The following TRMT1L variants were observed in gnomAD, a reference collection of about 807,000 sequenced individuals.
TRMT1L encodes the protein tRNA methyltransferase 1L.
A neutral mutation model predicts 81.6 loss-of-function variants in TRMT1L; 28 were observed. That is an observed-to-expected ratio of 0.34 (90% CI 0.25 to 0.47). The LOEUF is 0.47. TRMT1L is among the 20% of genes least tolerant of loss of function. The probability of loss-of-function intolerance (pLI) is 1.00; values close to 1 mark genes in which losing one functional copy is unlikely to be tolerated. For missense variants in TRMT1L, 739 were observed against 877.1 expected (o/e 0.84, Z 1.99); for synonymous variants, 301 against 303.2 (o/e 0.99, Z 0.07).
intron 3 of TRMT1L, 56 bp downstream of exon 3, chr1:185,150,323 G>T (rs938501742): frequency 5.5e-6 from 7 of 1,261,602 alleles, no homozygotes; most frequent in African/African-American, 1.5e-5. Context: ...GCCAAAACTG[G>T]TAATAAATGT....
intron 10 of TRMT1L, among the ~76,000 whole-genome samples, chr1:185,133,904 A>G (rs1557987024): frequency 6.6e-6 from 1 of 152,224 alleles, no homozygotes; most frequent in Non-Finnish European, 1.5e-5. Flanking sequence ...AGCAATAGAC[A>G]GCAAATAAAA....
intron 11 of TRMT1L, 24 bp downstream of exon 11, chr1:185,128,645 A>G (rs373768702): frequency 1.2e-6 from 2 of 1,602,918 alleles, no homozygotes; most frequent in African/African-American, 2.7e-5. Flanking sequence ...AAATTTTAAT[A>G]TGTTCTTATG....
rs1172560092 is a variant in TRMT1L at position 185,156,707 on chromosome 1, C to A, written c.6G>T (p.Glu2Asp). The A allele has an allele frequency of 6.2e-7, 1 of 1,612,780 alleles. No homozygotes were observed. Among genetic ancestry groups the A allele is most frequent in the Non-Finnish European group, 8.5e-7 (1 of 1,179,856 alleles). M[E>D]NMAEEELLPL... ...GCAGCAGCTCCTCCTCCGCCATATT[C>A]TCCATAGTTACCGCCTCCGTGCCAA... Residue 2 changes from glutamate (E) to aspartate (D), a missense_variant, in exon 1 of 15, where the codon GAG (glutamate) becomes GAT (aspartate). Coordinates refer to ENST00000367506, the MANE Select transcript of TRMT1L (RefSeq NM_030934.5).
At chr1:185,128,782 G>A in intron 10 of TRMT1L, 35 bp from the exon 11 acceptor site, 1 of 1,518,120 alleles carries the variant, frequency 6.6e-7, no homozygotes, top group Non-Finnish European at 9.1e-7. Flanking sequence ...AATCAAAGGA[G>A]AAATGACTAA....
Position 185,123,906 on chromosome 1 carries a change from T to C in TRMT1L, c.1773A>G (p.Val591=). The C allele has an allele frequency of 6.7e-7, 1 of 1,502,574 alleles. No individual in the cohort carries two copies. Among genetic ancestry groups the C allele is most frequent in the Non-Finnish European group, 8.9e-7 (1 of 1,121,266 alleles). The allele number at this position is 1,502,574 out of a possible 1,614,324, so 93.1% of individuals were successfully genotyped here. ...TGGTGTCATCTGTAGTTTTAATAAA[T>C]ACACCATTTTCTTCTAAAAAATAAA... The part of the protein sequence containing the change: ...SNVNKQEENG[V]FIKTTDDTTT... The change falls in exon 13 of 15, where the codon GTA becomes GTG. Residue 591 remains valine, a synonymous_variant. Coordinates refer to ENST00000367506, the MANE Select transcript of TRMT1L (RefSeq NM_030934.5).
intron 8 of TRMT1L, 146 bp from the exon 9 acceptor site, chr1:185,139,725 G>T: frequency 1.3e-6 from 1 of 757,748 alleles, no homozygotes; most frequent in Non-Finnish European, 2.0e-6. Context: ...TTGAAATTAA[G>T]TAATAAAATG....
intron 11 of TRMT1L, among the ~76,000 whole-genome samples, chr1:185,127,861 C>T (rs762585750): frequency 1.3e-5 from 2 of 151,830 alleles, no homozygotes; most frequent in Admixed American, 6.6e-5. Context: ...CACCTGTAAT[C>T]CTAGTACTTT....
At chr1:185,144,647 T>C (rs978825814) in intron 5 of TRMT1L, among the ~76,000 whole-genome samples, 1 of 152,048 alleles carries the variant, frequency 6.6e-6, no homozygotes, top group African/African-American at 2.4e-5. Context: ...TTGATGTGTA[T>C]ATATGTGCAT....
In TRMT1L at chr1:185,118,283, C is replaced by T. The variant is rs575141263; in HGVS notation, c.*1736G>A. The T allele has an allele frequency of 5.9e-5, 9 of 152,136 alleles. No individual in the cohort carries two copies. The South Asian group carries it at 6.2e-4, about 11-fold the overall frequency. The allele number at this position is 152,136 out of a possible 1,614,324, so 9.4% of individuals were successfully genotyped here. On this transcript the variant is annotated 3_prime_UTR_variant, in exon 15 of 15. Coordinates refer to ENST00000367506, the MANE Select transcript of TRMT1L (RefSeq NM_030934.5). Reference sequence around the variant, plus strand: ...GTACCTGATCAGAGTTCTAAACTACCGCCTACCAAATTTTTCTTTGAAAAA... The same window carrying T: ...GTACCTGATCAGAGTTCTAAACTACTGCCTACCAAATTTTTCTTTGAAAAA...
intron 11 of TRMT1L, among the ~76,000 whole-genome samples, chr1:185,127,330 T>A (rs1283934455): frequency 3.3e-5 from 5 of 152,166 alleles, no homozygotes; most frequent in African/African-American, 4.8e-5. Context: ...GATAAAATCA[T>A]GAGCATCAGC....
chr1:185,122,156 T>C (rs1652516038), intron 13 of TRMT1L, among the ~76,000 whole-genome samples: 1 of 152,222 alleles, frequency 6.6e-6, no homozygotes, highest in Non-Finnish European at 1.5e-5. Flanking sequence ...CCTTAGTACA[T>C]ATGTTCATTT....
chr1:185,149,226 C>T (rs1481586669), intron 3 of TRMT1L, among the ~76,000 whole-genome samples: 1 of 151,558 alleles, frequency 6.6e-6, no homozygotes, highest in Non-Finnish European at 1.5e-5. Flanking sequence ...CTTTTAATTC[C>T]AAGTTTTTGT....
chr1:185,134,608 C>T (rs1466383058), intron 10 of TRMT1L, among the ~76,000 whole-genome samples: 4 of 152,208 alleles, frequency 2.6e-5, no homozygotes, highest in Non-Finnish European at 5.9e-5. Context: ...AAAAATAAAT[C>T]ATTGCTTTAT....
rs141889264 is a variant in TRMT1L, at chr1:185,128,063, G to A, written c.1592+606C>T. Reference sequence around the variant, plus strand: ...TAGGAGGTGGAGGTTGCAGTGAGCCGATATTGCGCCACTGCACTCCAGCCT... The same window carrying A: ...TAGGAGGTGGAGGTTGCAGTGAGCCAATATTGCGCCACTGCACTCCAGCCT... On this transcript the variant is annotated intron_variant, in intron 11 of 14. Transcript: ENST00000367506. 5.7e-3 allele frequency among the ~76,000 whole-genome samples: 866 copies of A among 151,966 alleles called. 14 individuals are homozygous for A. Among genetic ancestry groups the A allele is most frequent in the African/African-American group, 0.02 (813 of 41,404 alleles).
In TRMT1L at chr1:185,127,783, A is replaced by G. The variant is rs888231131; in HGVS notation, c.1592+886T>C. Reference sequence around the variant, plus strand: ...TCAAAAAAAAAAAAAAAAAAAAAAAAGAATCTCTAGTAACAAACTTAAGGT... The same window carrying G: ...TCAAAAAAAAAAAAAAAAAAAAAAAGGAATCTCTAGTAACAAACTTAAGGT... On this transcript the variant is annotated intron_variant, in intron 11 of 14. Transcript: ENST00000367506. Among the ~76,000 whole-genome samples, 54 of 149,920 alleles carry G rather than the reference A, an allele frequency of 3.6e-4. No individual in the cohort carries two copies. In the South Asian group the frequency reaches 3.8e-3, roughly 10 times the overall value.
At chr1:185,124,117 T>A (rs182982200) in intron 12 of TRMT1L, among the ~76,000 whole-genome samples, 198 bp from the exon 13 acceptor site, 2 of 141,034 alleles carry the variant, frequency 1.4e-5, no homozygotes, top group African/African-American at 5.7e-5. Flanking sequence ...ATGAGAACAC[T>A]AGGATATTCA....
intron 13 of TRMT1L, among the ~76,000 whole-genome samples, chr1:185,123,274 T>C (rs1652543130): frequency 6.6e-6 from 1 of 152,166 alleles, no homozygotes; most frequent in East Asian, 1.9e-4. Flanking sequence ...CTTCTTTTCA[T>C]CTGTACTCAA....
chr1:185,120,653 T>G (rs1454992059), intron 13 of TRMT1L, 144 bp from the exon 14 acceptor site: 1 of 735,686 alleles, frequency 1.4e-6, no homozygotes, highest in Non-Finnish European at 1.9e-6. Context: ...TTTATTCTAT[T>G]TTCACGGTCC....
chr1:185,120,444 C>T lies in TRMT1L; in HGVS notation c.1888G>A (p.Glu630Lys). The change falls in exon 14 of 15, where the codon GAA (glutamate) becomes AAA (lysine). Residue 630 changes from glutamate to lysine, a missense_variant. Around this residue, in one of 4 missense-constraint regions of TRMT1L, gnomAD observed 196 missense variants for 232.6 expected, o/e 0.84. Transcript: ENST00000367506. ...ATGTTGTAATAAAAGGGAGGATGTT[C>T]AGTACTGACATCAGTCTTTTGCTTC... ...GKKQKTDVST[E>K]HPPFYYNIHR... is the part of the protein sequence containing the mutation. 1.2e-6 allele frequency: 2 copies of T among 1,602,704 alleles called. No individual in the cohort carries two copies. The highest frequency in any genetic ancestry group is 1.1e-5 in the South Asian group (1 of 88,362).
Sources: gnomAD v4.1 joint callset for allele counts (sites outside exome capture counted in the v4.1 genomes callset) on GRCh38, gnomAD v4.1.1 for gene constraint, gnomAD v4.1.1 regional missense constraint, MANE v1.5 for transcripts, NCBI Gene and HGNC (gene_info 2026-07-23, HGNC 2026-07-21) for gene names.